TRPM6: variants seen among roughly 807,000 people sequenced by gnomAD.
The protein encoded by TRPM6 is channel kinase 2.
In TRPM6, 111 loss-of-function variants were observed where a neutral mutation model predicts 247.6. The ratio of observed to expected loss-of-function variants is 0.45; its 90% confidence interval spans 0.38 to 0.52. The LOEUF (loss-of-function observed/expected upper bound fraction) is 0.52. Among genes scored for constraint, TRPM6 ranks in the 20% least tolerant of loss-of-function variants. The probability of loss-of-function intolerance (pLI) is 0.00; values close to 1 mark genes in which losing one functional copy is unlikely to be tolerated. For missense variants in TRPM6, 2,126 were observed against 2,421.5 expected, an observed-to-expected ratio of 0.88 and a Z score of 2.56; for synonymous variants, 892 against 853.8, an observed-to-expected ratio of 1.04 and a Z score of -0.78.
rs1198749729 is a variant in TRPM6 at position 74,800,330 on chromosome 9, G to T, written c.2162C>A (p.Ser721Ter). The stretch of plus-strand genomic sequence containing the variant: ...CAGTAGCATCTGGGTACAAGTATGT[G>T]AAACAAAGGGTCGTAATCCTCCCGA... ...AVSGGLRPFV[S>*]HTCTQMLLTD... Residue 721 changes from serine (S) to a stop codon, truncating the protein, a stop_gained, in exon 17 of 39, where the codon TCA (serine) becomes TAA (stop). Coordinates refer to ENST00000360774, the MANE Select transcript of TRPM6 (RefSeq NM_017662.5). LOFTEE classifies it high-confidence loss of function. 1 of 1,614,126 alleles carries T rather than the reference G, an allele frequency of 6.2e-7. No homozygotes were observed. Among genetic ancestry groups the T allele is most frequent in the Non-Finnish European group, 8.5e-7 (1 of 1,180,024 alleles).
chr9:74,876,126 C>T (rs1008192823), intron 1 of TRPM6, among the ~76,000 whole-genome samples: 1 of 152,126 alleles, frequency 6.6e-6, no homozygotes, highest in East Asian at 1.9e-4. Flanking sequence ...TCTTGTCGCC[C>T]AGGCTGGAAT....
chr9:74,823,488 G>A (rs1278983471), intron 7 of TRPM6, among the ~76,000 whole-genome samples: 2 of 152,140 alleles, frequency 1.3e-5, no homozygotes, highest in Non-Finnish European at 1.5e-5. Context: ...TGTTAGGGAT[G>A]GGTCAGTTAG....
At chr9:74,881,249 G>A (rs1187447843) in intron 1 of TRPM6, among the ~76,000 whole-genome samples, 2 of 151,962 alleles carry the variant, frequency 1.3e-5, no homozygotes, top group African/African-American at 2.4e-5. Flanking sequence ...GATATTCCAC[G>A]CAAACAGAAA....
chr9:74,750,745 T>TA, intron 29 of TRPM6, 23 bp from the exon 30 acceptor site: 3 of 1,613,016 alleles, frequency 1.9e-6, no homozygotes, highest in Non-Finnish European at 2.5e-6. Context: ...GAAAGGCCGT[T>TA]ACGTGTGTGC....
chr9:74,814,697 T>A (rs1209303385), intron 11 of TRPM6, among the ~76,000 whole-genome samples: 2 of 152,196 alleles, frequency 1.3e-5, no homozygotes, highest in Non-Finnish European at 1.5e-5. Flanking sequence ...CAGCCTATAA[T>A]CCCAGCACTT....
intron 14 of TRPM6, among the ~76,000 whole-genome samples, chr9:74,807,467 G>A (rs150608530): frequency 6.6e-5 from 10 of 152,290 alleles, no homozygotes; most frequent in Non-Finnish European, 1.5e-4. Context: ...AATAGGCAAT[G>A]TTTCCTCTGC....
intron 14 of TRPM6, among the ~76,000 whole-genome samples, chr9:74,805,173 A>G (rs902724204): frequency 3.3e-5 from 5 of 152,212 alleles, no homozygotes; most frequent in African/African-American, 1.2e-4. Flanking sequence ...CATAAACAGG[A>G]TGCTTTTGGC....
intron 1 of TRPM6, among the ~76,000 whole-genome samples, chr9:74,879,963 C>T (rs1200236192): frequency 1.3e-5 from 2 of 151,998 alleles, no homozygotes; most frequent in South Asian, 2.1e-4. Flanking sequence ...GAATGAGTCC[C>T]CAACTTGTGT....
intron 3 of TRPM6, among the ~76,000 whole-genome samples, chr9:74,844,997 G>C (rs1830061016): frequency 6.6e-6 from 1 of 152,160 alleles, no homozygotes; most frequent in Admixed American, 6.5e-5. Context: ...GGAATAGTCA[G>C]AACATATATA....
At chr9:74,858,543 A>T (rs1830596883) in intron 2 of TRPM6, 126 bp downstream of exon 2, 1 of 612,084 alleles carries the variant, frequency 1.6e-6, no homozygotes. Context: ...TGAAAGAAAT[A>T]AACATTGAAA....
chr9:74,776,478 C>T (rs1827227819), intron 23 of TRPM6, among the ~76,000 whole-genome samples: 1 of 152,078 alleles, frequency 6.6e-6, no homozygotes, highest in Non-Finnish European at 1.5e-5. Flanking sequence ...TACCTAATGT[C>T]AAATGTGAGA....
chr9:74,779,463 C>T (rs1827340332), intron 23 of TRPM6, among the ~76,000 whole-genome samples: 2 of 151,614 alleles, frequency 1.3e-5, no homozygotes, highest in Admixed American at 1.3e-4. Context: ...ACAGCAGTCA[C>T]TTTTTTTTTA....
At chr9:74,763,586 A>C (rs2118846729) in intron 25 of TRPM6, among the ~76,000 whole-genome samples, 1 of 152,298 alleles carries the variant, frequency 6.6e-6, no homozygotes, top group East Asian at 1.9e-4. Flanking sequence ...AACAGAATCA[A>C]TAATCAAATA....
At chr9:74,807,061 C>T (rs948654179) in intron 14 of TRPM6, among the ~76,000 whole-genome samples, 1 of 152,192 alleles carries the variant, frequency 6.6e-6, no homozygotes, top group Admixed American at 6.5e-5. Flanking sequence ...TTAAGTGTAT[C>T]CTTATGCCTT....
intron 25 of TRPM6, among the ~76,000 whole-genome samples, chr9:74,771,479 T>C (rs1045683518): frequency 2.0e-5 from 3 of 152,264 alleles, no homozygotes; most frequent in East Asian, 1.9e-4. Flanking sequence ...AGGATTCTTA[T>C]GTCTTATTAA....
intron 34 of TRPM6, 134 bp downstream of exon 34, chr9:74,739,589 C>T (rs1825797460): frequency 1.3e-6 from 2 of 1,517,444 alleles, no homozygotes; most frequent in Middle Eastern, 2.0e-4. Flanking sequence ...AAAAGTCCTA[C>T]AAAGCAATAC....
At chr9:74,750,098 C>A (rs1352114419) in intron 30 of TRPM6, among the ~76,000 whole-genome samples, 1 of 152,176 alleles carries the variant, frequency 6.6e-6, no homozygotes, top group African/African-American at 2.4e-5. Flanking sequence ...GGAAGACACT[C>A]AAGTGAGTTC....
chr9:74,759,158 T>C (rs1201323246), intron 27 of TRPM6, among the ~76,000 whole-genome samples: 1 of 152,066 alleles, frequency 6.6e-6, no homozygotes, highest in Non-Finnish European at 1.5e-5. Flanking sequence ...ATCAGAAGAC[T>C]CATTATTGTT....
intron 1 of TRPM6, among the ~76,000 whole-genome samples, chr9:74,885,804 T>G (rs1331487388): frequency 6.6e-6 from 1 of 152,186 alleles, no homozygotes; most frequent in Non-Finnish European, 1.5e-5. Context: ...CCAGGCACAG[T>G]GGCTCAGGCC....
Sources: gnomAD v4.1 joint callset for allele counts (sites outside exome capture counted in the v4.1 genomes callset) on GRCh38, gnomAD v4.1.1 for gene constraint, MANE v1.5 for transcripts, NCBI Gene and HGNC (gene_info 2026-07-23, HGNC 2026-07-21) for gene names.